CENPV: variants seen among roughly 807,000 people sequenced by gnomAD.
CENPV encodes nuclear protein p30.
A neutral mutation model predicts 26.4 loss-of-function variants in CENPV; 15 were observed. The observed-to-expected ratio is 0.57, with a 90% CI of 0.38 to 0.88. The LOEUF is 0.88. Among genes scored for constraint, CENPV ranks in the 40% least tolerant of loss-of-function variants. The pLI, the probability that CENPV is intolerant of heterozygous loss-of-function variation, is 0.00. For synonymous variants in CENPV, 172 were observed against 165.5 expected (o/e 1.04, Z -0.30); for missense variants, 336 against 376.5 (o/e 0.89, Z 0.89).
Position 16,344,694 on chromosome 17 carries a change from C to T in CENPV, c.597G>A (p.Thr199=), listed in dbSNP as rs1006533909. ...CTTTGTGAGTATTGAACGTGTAAGT[C>T]GTTATGTGCTCAGCTCCCTAGGTGA... ...FKLLKGAEHI[T]TYTFNTHKAQ... Residue 199 remains threonine (T), a synonymous_variant, in exon 4 of 5, where the codon ACG becomes ACA. Coordinates refer to ENST00000299736, the MANE Select transcript of CENPV (RefSeq NM_181716.3). 4 of 1,590,454 alleles carry T rather than the reference C, an allele frequency of 2.5e-6. No homozygotes were observed. The highest frequency in any genetic ancestry group is 1.4e-5 in the African/African-American group (1 of 73,284).
Position 16,342,707 on chromosome 17 carries a change from A to G in CENPV, c.*110T>C, listed in dbSNP as rs750132900. 2.8e-4 allele frequency: 381 copies of G among 1,337,512 alleles called. No homozygotes were observed. The highest frequency in any genetic ancestry group is 4.6e-4 in the Middle Eastern group (2 of 4,310). 82.9% of individuals were successfully genotyped at this position (1,337,512 alleles called of 1,614,324 possible). A position where few individuals can be genotyped will look rare whatever the true frequency, so the allele number is the denominator to read the frequency against. ...AGATCAAGATGACCCTAGTCAACGG[A>G]ACCAGCAGCCCAGGTCAGCCACATT... On this transcript the variant is annotated 3_prime_UTR_variant, in exon 5 of 5. Coordinates refer to ENST00000299736, the MANE Select transcript of CENPV (RefSeq NM_181716.3).
rs200842760 is a variant in CENPV, at chr17:16,344,899, G to A, written c.580-188C>T. Among the ~76,000 whole-genome samples, 80 of 151,906 alleles carry A rather than the reference G, an allele frequency of 5.3e-4. 1 individual carries two copies. The East Asian group carries it at 0.014, about 27-fold the overall frequency. ...AGATTTTCCTGCCTCAGCCTCCCAA[G>A]TAGCTGGGATTATAGGCGCGTGCCC... On this transcript the variant is annotated intron_variant, in intron 3 of 4. Transcript: ENST00000299736.
At chr17:16,349,840 C>T in intron 2 of CENPV, 91 bp downstream of exon 2, 1 of 1,532,628 alleles carries the variant, frequency 6.5e-7, no homozygotes, top group Non-Finnish European at 8.8e-7. Flanking sequence ...CCAATGTTTC[C>T]TCTGTACCCC....
intron 3 of CENPV, 162 bp downstream of exon 3, chr17:16,348,454 G>A (rs2093216489): frequency 6.8e-6 from 10 of 1,461,290 alleles, no homozygotes; most frequent in Non-Finnish European, 9.1e-6. Context: ...ACTGTGCCGG[G>A]CCCACCTTTT....
intron 3 of CENPV, among the ~76,000 whole-genome samples, chr17:16,346,637 G>C (rs1423066423): frequency 1.3e-5 from 2 of 151,984 alleles, no homozygotes; most frequent in Non-Finnish European, 2.9e-5. Context: ...TGTAGTCCCA[G>C]CTACTCAGGA....
chr17:16,344,617 C>G lies in CENPV; in HGVS notation c.674G>C (p.Arg225Pro), dbSNP rs1360634174. The change falls in exon 4 of 5, where the codon CGA becomes CCA. Residue 225 changes from arginine to proline, a missense_variant. Physicochemically the swap from Arg to Pro is moderately radical, Grantham distance 103. Coordinates refer to ENST00000299736, the MANE Select transcript of CENPV (RefSeq NM_181716.3). ...RCGVQSFYTP[R>P]SNPGGFGIAP... ...CTCACCGAAGCCTCCGGGGTTTGAT[C>G]GTGGAGTATAGAAGCTCTGAACGCC... 1.9e-6 allele frequency: 3 copies of G among 1,585,154 alleles called. No individual in the cohort carries two copies. Among genetic ancestry groups the G allele is most frequent in the Non-Finnish European group, 2.6e-6 (3 of 1,168,310 alleles).
chr17:16,343,721 A>C, intron 4 of CENPV, among the ~76,000 whole-genome samples: 1 of 152,164 alleles, frequency 6.6e-6, no homozygotes, highest in Non-Finnish European at 1.5e-5. Flanking sequence ...GAGGCCCTGA[A>C]GCAATGGGGG....
chr17:16,345,440 C>T (rs1009102879), intron 3 of CENPV, among the ~76,000 whole-genome samples: 3 of 147,120 alleles, frequency 2.0e-5, no homozygotes, highest in African/African-American at 8.1e-5. Flanking sequence ...TGCAGTGGCA[C>T]ACATCTGTAG....
rs757070811 is a variant in CENPV, at chr17:16,342,619, A to G, written c.*198T>C. 12 of 565,192 alleles carry G rather than the reference A, an allele frequency of 2.1e-5. No individual in the cohort carries two copies. The highest frequency in any genetic ancestry group is 3.4e-5 in the Non-Finnish European group (11 of 320,458). 35.0% of individuals were successfully genotyped at this position (565,192 alleles called of 1,614,324 possible). ...GAAGGATGTCAATTAGACTACATCA[A>G]AATCTGGGCAGAGGGAGGACAAAGA... On this transcript the variant is annotated 3_prime_UTR_variant, in exon 5 of 5. Coordinates refer to ENST00000299736, the MANE Select transcript of CENPV (RefSeq NM_181716.3).
chr17:16,352,472 T>C (rs1169449988), intron 1 of CENPV, among the ~76,000 whole-genome samples: 3 of 151,972 alleles, frequency 2.0e-5, no homozygotes, highest in African/African-American at 2.4e-5. Context: ...CTCTCCCGGA[T>C]CAATAACCTC....
Position 16,344,578 on chromosome 17 carries a change from G to T in CENPV, c.694+19C>A. The T allele has an allele frequency of 2.0e-6, 3 of 1,470,302 alleles. No individual in the cohort carries two copies. The highest frequency in any genetic ancestry group is 1.8e-6 in the Non-Finnish European group (2 of 1,081,430). The allele number at this position is 1,470,302 out of a possible 1,614,324, so 91.1% of individuals were successfully genotyped here. On this transcript the variant is annotated intron_variant, in intron 4 of 4. Transcript: ENST00000299736. ...CTCTCTGTGTCCCCCTGAGCTTGCA[G>T]TCCATCCCCTTTACTCACCGAAGCC...
intron 2 of CENPV, 70 bp from the exon 3 acceptor site, chr17:16,348,755 C>G: frequency 1.2e-6 from 2 of 1,601,012 alleles, no homozygotes; most frequent in East Asian, 2.2e-5. Flanking sequence ...AGCGGCCCAG[C>G]CATGAGAGCC....
intron 3 of CENPV, among the ~76,000 whole-genome samples, chr17:16,347,266 T>C (rs2093210974): frequency 1.3e-5 from 2 of 152,144 alleles, no homozygotes; most frequent in South Asian, 2.1e-4. Flanking sequence ...TTCTTATCCT[T>C]GTTAACCCTC....
chr17:16,343,496 C>T (rs945077969), intron 4 of CENPV, among the ~76,000 whole-genome samples: 1 of 152,150 alleles, frequency 6.6e-6, no homozygotes, highest in Non-Finnish European at 1.5e-5. Context: ...CCAAGCCTGG[C>T]TAATTTTGCA....
At position 16,344,702 on chromosome 17, in the gene CENPV, G is replaced by C. The variant is rs768546792; in HGVS notation, c.589C>G (p.His197Asp). ...SRFKLLKGAE[H>D]ITTYTFNTHK... ...GTATTGAACGTGTAAGTCGTTATGT[G>C]CTCAGCTCCCTAGGTGAAAACAGAC... The change falls in exon 4 of 5, where the codon CAC becomes GAC. Residue 197 changes from histidine (H) to aspartate (D), a missense_variant. His to Asp is a moderately conservative substitution (Grantham distance 81, BLOSUM62 -1). Around this residue, in one of 2 missense-constraint regions of CENPV, gnomAD observed 155 missense variants for 227.8 expected, o/e 0.68. Coordinates refer to ENST00000299736, the MANE Select transcript of CENPV (RefSeq NM_181716.3). 1.1e-5 allele frequency: 18 copies of C among 1,576,252 alleles called. No individual in the cohort carries two copies. The highest frequency in any genetic ancestry group is 1.7e-4 in the Middle Eastern group (1 of 5,980).
chr17:16,349,510 G>A (rs758721639), intron 2 of CENPV: 415 of 987,458 alleles, frequency 4.2e-4, no homozygotes, highest in Non-Finnish European at 4.7e-4. Flanking sequence ...GAGAGTGGAG[G>A]GCCTGGGGAG....
At chr17:16,350,124 A>T in intron 1 of CENPV, 95 bp from the exon 2 acceptor site, 2 of 1,455,356 alleles carry the variant, frequency 1.4e-6, no homozygotes, top group Non-Finnish European at 1.9e-6. Flanking sequence ...ATTAGACAAA[A>T]GTCTTTTCTA....
intron 3 of CENPV, among the ~76,000 whole-genome samples, chr17:16,347,251 G>A (rs1002718814): frequency 6.6e-6 from 1 of 152,140 alleles, no homozygotes; most frequent in Non-Finnish European, 1.5e-5. Flanking sequence ...GGAAGGGGTG[G>A]AGGTTTCTTA....
At chr17:16,344,570 A>G in intron 4 of CENPV, 27 bp downstream of exon 4, 1 of 1,379,670 alleles carries the variant, frequency 7.2e-7, no homozygotes, top group South Asian at 1.4e-5. Context: ...TGTCCCCCTG[A>G]GCTTGCAGTC....
Sources: allele counts gnomAD v4.1 joint callset (sites outside exome capture counted in the v4.1 genomes callset), GRCh38; gene constraint gnomAD v4.1.1; regional missense constraint gnomAD v4.1.1; transcripts MANE v1.5; gene names NCBI Gene and HGNC (gene_info 2026-07-23, HGNC 2026-07-21).